The following RXFP1 variants were observed in gnomAD, a reference collection of about 807,000 sequenced individuals.
RXFP1 encodes the protein relaxin family peptide receptor 1, also known as relaxin receptor 1.
Under a neutral mutation model 89.8 loss-of-function variants are expected in RXFP1, and 73 were observed. That is an observed-to-expected ratio of 0.81 (90% CI 0.67 to 0.99). RXFP1 has a LOEUF of 0.99. RXFP1 is among the 50% of genes least tolerant of loss of function. RXFP1 has a pLI of 0.00. For missense variants in RXFP1, 793 were observed against 895.5 expected (o/e 0.89, Z 1.46); for synonymous variants, 277 against 305.5 (o/e 0.91, Z 0.97).
intron 9 of RXFP1, among the ~76,000 whole-genome samples, chr4:158,626,202 C>T (rs1345509755): frequency 6.7e-6 from 1 of 149,202 alleles, no homozygotes; most frequent in African/African-American, 2.5e-5. Flanking sequence ...ATATGCAGCT[C>T]TCTGAATTGG....
At chr4:158,574,100 A>G (rs1755722892) in intron 2 of RXFP1, among the ~76,000 whole-genome samples, 1 of 152,206 alleles carries the variant, frequency 6.6e-6, no homozygotes, top group Non-Finnish European at 1.5e-5. Context: ...TTGAAAATAC[A>G]AAGTTAGAAC....
At chr4:158,562,550 A>AAAAAAAAAAAAC (rs1752708587) in intron 1 of RXFP1, among the ~76,000 whole-genome samples, 1 of 148,244 alleles carries the variant, frequency 6.7e-6, no homozygotes, top group Non-Finnish European at 1.5e-5. Flanking sequence ...AAAAAAAAAA[A>AAAAAAAAAAAAC]ATACACATAT....
intron 3 of RXFP1, among the ~76,000 whole-genome samples, chr4:158,597,854 G>A (rs1382572956): frequency 6.6e-6 from 1 of 152,104 alleles, no homozygotes; most frequent in African/African-American, 2.4e-5. Context: ...AGATATGATT[G>A]TAACTTAAAG....
chr4:158,587,497 T>A (rs1758528537), intron 2 of RXFP1, among the ~76,000 whole-genome samples: 3 of 152,150 alleles, frequency 2.0e-5, no homozygotes, highest in South Asian at 4.1e-4. Context: ...ACAATACTGA[T>A]GTAAGAGCCT....
chr4:158,613,550 C>G (rs1230886328), intron 8 of RXFP1, among the ~76,000 whole-genome samples: 1 of 152,210 alleles, frequency 6.6e-6, no homozygotes, highest in African/African-American at 2.4e-5. Context: ...CTTTGTTCAT[C>G]CATAAGAAGC....
At chr4:158,608,276 TTTC>T (rs1762890971) in intron 6 of RXFP1, among the ~76,000 whole-genome samples, 1 of 137,358 alleles carries the variant, frequency 7.3e-6, no homozygotes, top group African/African-American at 3.1e-5. Context: ...TTTGTATTCC[TTTC>T]TTTTTTTTTT....
intron 8 of RXFP1, among the ~76,000 whole-genome samples, chr4:158,614,228 A>G (rs979416845): frequency 2.6e-5 from 4 of 152,186 alleles, no homozygotes; most frequent in African/African-American, 9.7e-5. Flanking sequence ...GGAACAGTAA[A>G]TGAGCGTTGA....
intron 4 of RXFP1, among the ~76,000 whole-genome samples, chr4:158,601,139 C>A (rs1761610234): frequency 6.6e-6 from 1 of 151,702 alleles, no homozygotes; most frequent in East Asian, 1.9e-4. Context: ...TAAAAATTGT[C>A]ATGATCTAGT....
At chr4:158,570,845 A>G (rs913073359) in intron 1 of RXFP1, among the ~76,000 whole-genome samples, 1 of 151,930 alleles carries the variant, frequency 6.6e-6, no homozygotes, top group Admixed American at 6.6e-5. Flanking sequence ...TACCTCATCA[A>G]CCTCAGCTCA....
intron 9 of RXFP1, 99 bp downstream of exon 9, chr4:158,617,304 A>G: frequency 1.1e-6 from 1 of 895,802 alleles, no homozygotes; most frequent in Non-Finnish European, 1.7e-6. Flanking sequence ...CTTAAAAATG[A>G]TAAGGGTTTT....
intron 1 of RXFP1, among the ~76,000 whole-genome samples, chr4:158,537,504 G>A (rs1468610672): frequency 6.6e-6 from 1 of 152,032 alleles, no homozygotes; most frequent in African/African-American, 2.4e-5. Context: ...CAGAAATTGG[G>A]TCTTACCTAG....
At chr4:158,592,885 A>G (rs1446257487) in intron 2 of RXFP1, among the ~76,000 whole-genome samples, 1 of 151,684 alleles carries the variant, frequency 6.6e-6, no homozygotes, top group Non-Finnish European at 1.5e-5. Context: ...GCCAGGAGTT[A>G]GAGACCAGCC....
chr4:158,593,538 C>A, intron 3 of RXFP1, 39 bp downstream of exon 3: 1 of 1,044,090 alleles, frequency 9.6e-7, no homozygotes, highest in Non-Finnish European at 1.4e-6. Context: ...TCCATGAGTT[C>A]ATAAGACACC....
At chr4:158,648,768 T>C (rs768119541) in intron 17 of RXFP1, 51 bp downstream of exon 17, 1 of 1,147,712 alleles carries the variant, frequency 8.7e-7, no homozygotes, top group East Asian at 2.4e-5. Context: ...GTTTTTACAG[T>C]GTTCTTTTAA....
rs377609675 is a variant in RXFP1, at chr4:158,645,864, GT to G, written c.1345+736del. ...CTTATTCAAAGTCTAATGTCTAAAT[GT>G]TTTTTTTTTATTGCAAGCTATGTAA... On this transcript the variant is annotated intron_variant, in intron 15 of 17. Coordinates refer to ENST00000307765, the MANE Select transcript of RXFP1 (RefSeq NM_021634.4). Among the ~76,000 whole-genome samples the G allele has an allele frequency of 1.8e-3, 273 of 147,924 alleles. 2 individuals carry two copies. Among genetic ancestry groups the G allele is most frequent in the African/African-American group, 6.0e-3 (241 of 40,442 alleles).
intron 1 of RXFP1, among the ~76,000 whole-genome samples, chr4:158,566,869 G>A (rs546678120): frequency 2.6e-5 from 4 of 152,292 alleles, no homozygotes; most frequent in South Asian, 4.1e-4. Context: ...TCAGCCCACC[G>A]CTGCACTGTG....
intron 1 of RXFP1, among the ~76,000 whole-genome samples, chr4:158,535,017 C>A (rs1744974364): frequency 6.7e-6 from 1 of 149,918 alleles, no homozygotes; most frequent in Non-Finnish European, 1.5e-5. Context: ...TTTATTATAT[C>A]TCATTTTATA....
At chr4:158,592,332 G>T (rs1014576292) in intron 2 of RXFP1, among the ~76,000 whole-genome samples, 1 of 152,128 alleles carries the variant, frequency 6.6e-6, no homozygotes, top group African/African-American at 2.4e-5. Context: ...CCAGCACTCT[G>T]GGGGGCCGAG....
intron 12 of RXFP1, among the ~76,000 whole-genome samples, chr4:158,635,711 T>A (rs1020323517): frequency 3.3e-5 from 5 of 152,172 alleles, no homozygotes; most frequent in Non-Finnish European, 5.9e-5. Context: ...TCCACTTCAT[T>A]TTTTTATACA....
Sources: gnomAD v4.1 joint callset for allele counts (sites outside exome capture counted in the v4.1 genomes callset) on GRCh38, gnomAD v4.1.1 for gene constraint, MANE v1.5 for transcripts, NCBI Gene and HGNC (gene_info 2026-07-23, HGNC 2026-07-21) for gene names.